The following GABRB2 variants were observed in gnomAD, a reference collection of about 807,000 sequenced individuals.
GABRB2 encodes the protein gamma-aminobutyric acid type A receptor subunit beta2.
GABRB2 carries 16 observed loss-of-function variants against 54.7 expected under a neutral mutation model. The observed-to-expected ratio is 0.29, with a 90% confidence interval of 0.20 to 0.44. The LOEUF (loss-of-function observed/expected upper bound fraction) is 0.44, where lower values mean the gene tolerates loss of function less well. Among genes scored for constraint, GABRB2 ranks in the 20% least tolerant of loss-of-function variants. The pLI, the probability that GABRB2 is intolerant of heterozygous loss-of-function variation, is 1.00. For synonymous variants in GABRB2, 244 were observed against 233.8 expected, an observed-to-expected ratio of 1.04 and a Z score of -0.40; for missense variants, 355 against 644.0, an observed-to-expected ratio of 0.55 and a Z score of 4.86.
At chr5:161,436,059 A>T (rs895817322) in intron 4 of GABRB2, among the ~76,000 whole-genome samples, 1 of 152,172 alleles carries the variant, frequency 6.6e-6, no homozygotes, top group Non-Finnish European at 1.5e-5. Context: ...GGTCAAAGAG[A>T]CTTGGATCAA....
intron 5 of GABRB2, among the ~76,000 whole-genome samples, chr5:161,341,937 T>TTATATATATATATA (rs1237952955): frequency 0.018 from 1,350 of 75,078 alleles, 13 homozygotes; most frequent in East Asian, 0.029. Context: ...ATTTTTTCTT[T>TTATATATATATATA]TATATATATA....
chr5:161,383,241 C>T (rs1182436779), intron 5 of GABRB2, among the ~76,000 whole-genome samples: 4 of 152,018 alleles, frequency 2.6e-5, no homozygotes, highest in African/African-American at 9.7e-5. Flanking sequence ...ATGTTTGTAC[C>T]CTTTGATCAA....
At chr5:161,453,381 C>A (rs1461072661) in intron 4 of GABRB2, among the ~76,000 whole-genome samples, 2 of 152,124 alleles carry the variant, frequency 1.3e-5, no homozygotes, top group Non-Finnish European at 2.9e-5. Context: ...AACCTAATTT[C>A]CAATGTAATG....
chr5:161,481,918 C>G (rs1006244936), intron 3 of GABRB2, among the ~76,000 whole-genome samples: 1 of 151,986 alleles, frequency 6.6e-6, no homozygotes, highest in African/African-American at 2.4e-5. Context: ...TCAATCATCA[C>G]AAGGAATCCA....
At position 161,293,080 on chromosome 5, in the gene GABRB2, C is replaced by T. The variant is rs539176096; in HGVS notation, c.*1001G>A. 1 of 152,328 alleles carries T rather than the reference C, an allele frequency of 6.6e-6. No homozygotes were observed. The highest frequency in any genetic ancestry group is 1.9e-4 in the East Asian group (1 of 5,186). 9.4% of individuals were successfully genotyped at this position (152,328 alleles called of 1,614,324 possible). On this transcript the variant is annotated 3_prime_UTR_variant, in exon 10 of 10. Coordinates refer to ENST00000393959, the MANE Select transcript of GABRB2 (RefSeq NM_001371727.1). ...GCTCTGTATTTGTATATTTGAATGA[C>T]TCTGAATCTAACCTGAATATCTAAG...
chr5:161,308,743 A>G (rs1248595191), intron 9 of GABRB2, among the ~76,000 whole-genome samples: 4 of 152,208 alleles, frequency 2.6e-5, no homozygotes, highest in Non-Finnish European at 5.9e-5. Context: ...TACAAACCTG[A>G]CAAAAACAAG....
At position 161,518,178 on chromosome 5, in the gene GABRB2, A is replaced by G. The variant is rs374696709; in HGVS notation, c.237+27049T>C. ...AAAGAATTTTAGCCAATCATTCTCC[A>G]TTGAATGGGGGAAGATTCTATTCTT... On this transcript the variant is annotated intron_variant, in intron 3 of 9. Coordinates refer to ENST00000393959, the MANE Select transcript of GABRB2 (RefSeq NM_001371727.1). Among the ~76,000 whole-genome samples the G allele has an allele frequency of 2.3e-4, 35 of 152,338 alleles. No homozygotes were observed. The South Asian group carries it at 7.0e-3, about 31-fold the overall frequency.
chr5:161,398,905 G>A (rs1390662234), intron 5 of GABRB2, among the ~76,000 whole-genome samples: 1 of 152,086 alleles, frequency 6.6e-6, no homozygotes, highest in Non-Finnish European at 1.5e-5. Context: ...GGCCAGGATG[G>A]TATCGATCTC....
chr5:161,492,283 T>C (rs144068398), intron 3 of GABRB2, among the ~76,000 whole-genome samples: 1 of 151,856 alleles, frequency 6.6e-6, no homozygotes, highest in African/African-American at 2.4e-5. Context: ...CGTTATCGTT[T>C]GTGCTTCTTC....
chr5:161,413,586 A>C (rs1174182991), intron 4 of GABRB2, among the ~76,000 whole-genome samples: 1 of 152,178 alleles, frequency 6.6e-6, no homozygotes, highest in African/African-American at 2.4e-5. Context: ...TTACATGTAC[A>C]TTCTGAATTG....
At chr5:161,402,165 A>G (rs1026468648) in intron 5 of GABRB2, among the ~76,000 whole-genome samples, 3 of 151,974 alleles carry the variant, frequency 2.0e-5, no homozygotes, top group African/African-American at 7.2e-5. Flanking sequence ...AAATTATAAC[A>G]CTTAAAATAG....
At chr5:161,322,222 A>G (rs1758231741) in intron 9 of GABRB2, among the ~76,000 whole-genome samples, 1 of 152,092 alleles carries the variant, frequency 6.6e-6, no homozygotes, top group South Asian at 2.1e-4. Context: ...GTATTCAAGA[A>G]AAGTTTATTA....
chr5:161,434,811 C>T (rs1311630502), intron 4 of GABRB2, among the ~76,000 whole-genome samples: 2 of 152,196 alleles, frequency 1.3e-5, no homozygotes, highest in East Asian at 1.9e-4. Flanking sequence ...GCTATTATAA[C>T]TATTTTACAA....
At chr5:161,376,272 CTAAT>C (rs1021804331) in intron 5 of GABRB2, among the ~76,000 whole-genome samples, 21 of 152,060 alleles carry the variant, frequency 1.4e-4, no homozygotes, top group African/African-American at 4.8e-4. Flanking sequence ...GGACAGATAA[CTAAT>C]TAAACTTAGT....
At position 161,546,288 on chromosome 5, in the gene GABRB2, G is replaced by C. The variant is rs1029992698; in HGVS notation, c.169+34C>G. 5 of 1,561,278 alleles carry C rather than the reference G, an allele frequency of 3.2e-6. No individual in the cohort carries two copies. The African/African-American group carries it at 6.8e-5, about 21-fold the overall frequency. Reference sequence around the variant, plus strand: ...CAAAGCTCAAAAGACAGCTTCGGCTGTGGCTGGACTTATTTGCAAGGCAAC... The same window carrying C: ...CAAAGCTCAAAAGACAGCTTCGGCTCTGGCTGGACTTATTTGCAAGGCAAC... On this transcript the variant is annotated intron_variant, in intron 2 of 9. Transcript: ENST00000393959.
chr5:161,360,377 T>C (rs189240051), intron 5 of GABRB2, among the ~76,000 whole-genome samples: 1 of 152,206 alleles, frequency 6.6e-6, no homozygotes, highest in African/African-American at 2.4e-5. Context: ...TGTAAAGAGG[T>C]TCCCAAGAGG....
chr5:161,317,123 G>A (rs934255576), intron 9 of GABRB2, among the ~76,000 whole-genome samples: 11 of 152,160 alleles, frequency 7.2e-5, no homozygotes, highest in African/African-American at 2.4e-4. Flanking sequence ...ATACTGGCAA[G>A]AATATGCACA....
chr5:161,486,912 G>A (rs999020701), intron 3 of GABRB2, among the ~76,000 whole-genome samples: 1 of 151,866 alleles, frequency 6.6e-6, no homozygotes, highest in Admixed American at 6.6e-5. Flanking sequence ...GATATCCTCT[G>A]AAGTCAGGTA....
intron 4 of GABRB2, among the ~76,000 whole-genome samples, chr5:161,440,621 C>A (rs2113207459): frequency 6.6e-6 from 1 of 152,118 alleles, no homozygotes; most frequent in East Asian, 1.9e-4. Context: ...GATATAGGCC[C>A]CAATACAACA....
Sources: allele counts gnomAD v4.1 joint callset (sites outside exome capture counted in the v4.1 genomes callset), GRCh38; gene constraint gnomAD v4.1.1; transcripts MANE v1.5; gene names NCBI Gene and HGNC (gene_info 2026-07-23, HGNC 2026-07-21).